Variants in ZNF331 observed in about 807,000 individuals in gnomAD.
ZNF331 encodes zinc finger protein 331, also known as C2H2-like zinc finger protein rearranged in thyroid adenomas.
A neutral mutation model predicts 7.0 loss-of-function variants in ZNF331; 2 were observed. That is an observed-to-expected ratio of 0.29 (90% confidence interval 0.12 to 0.90). The LOEUF (loss-of-function observed/expected upper bound fraction) is 0.90. Ranked by LOEUF, ZNF331 falls within the 40% of genes least tolerant of loss-of-function variation. ZNF331 has a pLI of 0.58. For synonymous variants in ZNF331, 196 were observed against 205.4 expected (o/e 0.95, Z 0.39); for missense variants, 432 against 587.7 (o/e 0.74, Z 2.74).
chr19:53,504,946 A>T, the ZNF331 span, among the ~76,000 whole-genome samples: 1 of 152,134 alleles, frequency 6.6e-6, no homozygotes, highest in Admixed American at 6.6e-5. Flanking sequence ...CTAACCCTGG[A>T]ATGGGGCTGT....
chr19:53,554,211 G>T (rs371937188), intron 2 of ZNF331, among the ~76,000 whole-genome samples: 5 of 152,224 alleles, frequency 3.3e-5, no homozygotes, highest in Admixed American at 3.3e-4. Context: ...GTGGCTTCGG[G>T]AGAGGCCAAA....
chr19:53,526,598 G>A (rs990755259), intron 2 of ZNF331, among the ~76,000 whole-genome samples: 3 of 151,512 alleles, frequency 2.0e-5, no homozygotes, highest in Non-Finnish European at 4.4e-5. Flanking sequence ...CTGTCACCAG[G>A]CTGGAGTGCA....
Position 53,571,776 on chromosome 19 carries a change from C to G in ZNF331, c.136+46C>G, listed in dbSNP as rs367707948. On this transcript the variant is annotated intron_variant, in intron 5 of 5. Coordinates refer to ENST00000449416, the MANE Select transcript of ZNF331 (RefSeq NM_001079906.2). This position sits in a 1 kb window ranked among gnomAD's most constrained non-coding sequence, Gnocchi z 4.7. ...AACTTAGACTGCCTCCTGGAATATCCGCTCTCCCCTGTGAATTTCAGGACC... is the reference window on the plus strand; with the variant it reads ...AACTTAGACTGCCTCCTGGAATATCGGCTCTCCCCTGTGAATTTCAGGACC... 1.3e-6 allele frequency: 2 copies of G among 1,550,724 alleles called. No individual in the cohort carries two copies. The highest frequency in any genetic ancestry group is 1.7e-6 in the Non-Finnish European group (2 of 1,150,064).
upstream of ZNF331, among the ~76,000 whole-genome samples, chr19:53,520,770 G>A (rs537131163): frequency 3.3e-5 from 5 of 150,944 alleles, 1 homozygote; most frequent in Admixed American, 2.0e-4. Flanking sequence ...GTCGATTCCC[G>A]GGTTATGAGC....
Position 53,577,052 on chromosome 19 carries a change from T to C in ZNF331, c.492T>C (p.Cys164=). The C allele has an allele frequency of 6.2e-7, 1 of 1,613,672 alleles. No individual in the cohort carries two copies. The highest frequency in any genetic ancestry group is 1.3e-5 in the African/African-American group (1 of 74,948). ...TGEKPYECKE[C]KKAFRWGNQL... ...AGAAACCTTATGAATGTAAAGAATG[T>C]AAGAAGGCCTTCCGTTGGGGCAATC... The change falls in exon 6 of 6, where the codon TGT becomes TGC. Residue 164 remains cysteine, a synonymous_variant. Coordinates refer to ENST00000449416, the MANE Select transcript of ZNF331 (RefSeq NM_001079906.2).
the ZNF331 span, among the ~76,000 whole-genome samples, chr19:53,506,028 CT>C: frequency 1.3e-5 from 2 of 150,978 alleles, no homozygotes; most frequent in East Asian, 3.9e-4. Flanking sequence ...AGACCATGGT[CT>C]GAAAAGCTAA....
At chr19:53,521,937 G>C (rs1020121084) in exon 1 of ZNF331, 15 of 152,336 alleles carry the variant, frequency 9.8e-5, no homozygotes, top group African/African-American at 3.4e-4. Flanking sequence ...GACGTGAGAG[G>C]CTCTACGCTA....
intron 2 of ZNF331, among the ~76,000 whole-genome samples, chr19:53,530,847 T>C (rs149129448): frequency 6.8e-4 from 103 of 152,344 alleles, no homozygotes; most frequent in African/African-American, 2.4e-3. Context: ...GTGCCAGCTC[T>C]GTCCCCATAA....
intron 5 of ZNF331, among the ~76,000 whole-genome samples, chr19:53,572,567 T>TATATATTATATATACACAC (rs2090503661): frequency 1.7e-5 from 1 of 58,472 alleles, no homozygotes; most frequent in Non-Finnish European, 3.4e-5. Flanking sequence ...TACACACACA[T>TATATATTATATATACACAC]ATATATTATA....
upstream of ZNF331, among the ~76,000 whole-genome samples, chr19:53,516,197 C>T (rs752741338): frequency 5.9e-5 from 9 of 152,112 alleles, no homozygotes; most frequent in Non-Finnish European, 7.4e-5. Flanking sequence ...ACACCCATAA[C>T]GCCAGCACTT....
At position 53,562,522 on chromosome 19, in the gene ZNF331, T is replaced by G. The variant is rs2089942895; in HGVS notation, c.-74+6614T>G. ...CTGGCTAACATGGTGAAACCCCATC[T>G]CTACTAAAAATACAAAAACTAGCCA... On this transcript the variant is annotated intron_variant, in intron 3 of 5. Transcript: ENST00000449416. Among the ~76,000 whole-genome samples the G allele has an allele frequency of 1.3e-5, 2 of 151,884 alleles. 1 individual carries two copies. The highest frequency in any genetic ancestry group is 4.2e-4 in the South Asian group (2 of 4,812).
chr19:53,526,383 G>A (rs2708776), intron 2 of ZNF331, among the ~76,000 whole-genome samples: 39,868 of 151,916 alleles, frequency 0.26, 6,190 homozygotes, highest in African/African-American at 0.43. Flanking sequence ...AGCAGTGAGG[G>A]CATCAGGTTC....
chr19:53,567,066 CT>C (rs1393193709), intron 3 of ZNF331, among the ~76,000 whole-genome samples: 14 of 152,208 alleles, frequency 9.2e-5, no homozygotes, highest in South Asian at 2.1e-4. Flanking sequence ...GGTAACCTAA[CT>C]TTACTGAGAG....
chr19:53,526,631 C>T (rs1371425411), intron 2 of ZNF331, among the ~76,000 whole-genome samples: 1 of 151,764 alleles, frequency 6.6e-6, no homozygotes, highest in Non-Finnish European at 1.5e-5. Context: ...TGGCTCACTG[C>T]AAGCTCCGCC....
chr19:53,520,869 G>A (rs1232950018), upstream of ZNF331: 1 of 152,142 alleles, frequency 6.6e-6, no homozygotes, highest in African/African-American at 2.4e-5. Flanking sequence ...TTCCAACTCT[G>A]TGGATTTCCG....
intron 4 of ZNF331, among the ~76,000 whole-genome samples, chr19:53,570,373 A>C (rs1015078732): frequency 6.6e-6 from 1 of 152,186 alleles, no homozygotes; most frequent in African/African-American, 2.4e-5. Context: ...GAATCGGAGA[A>C]AGCCTTAGGT....
In ZNF331 at chr19:53,558,817, T is replaced by C. The variant is rs977601481; in HGVS notation, c.-74+2909T>C. Among the ~76,000 whole-genome samples the C allele has an allele frequency of 9.2e-5, 14 of 151,696 alleles. No homozygotes were observed. Among genetic ancestry groups the C allele is most frequent in the Admixed American group, 2.6e-4 (4 of 15,226 alleles). The stretch of plus-strand genomic sequence containing the variant: ...TACAGACACACTCATACCCCATATA[T>C]ACACACATATAGGCACCTACATATA... On this transcript the variant is annotated intron_variant, in intron 3 of 5. Coordinates refer to ENST00000449416, the MANE Select transcript of ZNF331 (RefSeq NM_001079906.2). This position sits in a 1 kb window ranked among gnomAD's most constrained non-coding sequence, Gnocchi z 4.5.
chr19:53,529,360 A>G (rs990961063), intron 2 of ZNF331, among the ~76,000 whole-genome samples: 3 of 151,132 alleles, frequency 2.0e-5, no homozygotes, highest in African/African-American at 7.3e-5. Context: ...AGATCATGCC[A>G]CTGCACTCCA....
the ZNF331 span, among the ~76,000 whole-genome samples, chr19:53,507,995 C>T: frequency 1.3e-5 from 2 of 152,178 alleles, no homozygotes; most frequent in Non-Finnish European, 1.5e-5. Context: ...TTTGTTCATC[C>T]CCATTCAAAC....
Sources: allele counts gnomAD v4.1 joint callset (sites outside exome capture counted in the v4.1 genomes callset), GRCh38; gene constraint gnomAD v4.1.1; non-coding constraint Gnocchi (gnomAD v3.1); transcripts MANE v1.5; gene names NCBI Gene and HGNC (gene_info 2026-07-23, HGNC 2026-07-21).